The following CAPRIN2 variants were observed in gnomAD, a reference collection of about 807,000 sequenced individuals.
CAPRIN2 encodes caprin-2.
In CAPRIN2, 66 loss-of-function variants were observed where a neutral mutation model predicts 130.4. That is an observed-to-expected ratio of 0.51 (90% CI 0.42 to 0.62). The LOEUF is 0.62. Ranked by LOEUF, CAPRIN2 falls within the 20% of genes least tolerant of loss-of-function variation. The pLI is 0.00. For synonymous variants in CAPRIN2, 471 were observed against 444.1 expected, an observed-to-expected ratio of 1.06 and a Z score of -0.76; for missense variants, 1,185 against 1,246.6, an observed-to-expected ratio of 0.95 and a Z score of 0.74.
At chr12:30,738,936 T>C (rs1030349989) in intron 3 of CAPRIN2, among the ~76,000 whole-genome samples, 4 of 152,188 alleles carry the variant, frequency 2.6e-5, no homozygotes, top group Non-Finnish European at 5.9e-5. Context: ...GAAAAGGGAA[T>C]GCTTACACAC....
At chr12:30,716,397 T>C in intron 13 of CAPRIN2, 111 bp downstream of exon 15, 1 of 961,502 alleles carries the variant, frequency 1.0e-6, no homozygotes, top group Non-Finnish European at 1.6e-6. Context: ...GAAATAATGC[T>C]TACTGGTCAG....
At chr12:30,732,990 A>G (rs2063255863) in intron 5 of CAPRIN2, among the ~76,000 whole-genome samples, 1 of 152,208 alleles carries the variant, frequency 6.6e-6, no homozygotes, top group South Asian at 2.1e-4. Context: ...GAACAAACTT[A>G]GAAATCTTAA....
intron 15 of CAPRIN2, chr12:30,711,920 T>C (rs976976559): frequency 3.9e-6 from 2 of 509,972 alleles, no homozygotes; most frequent in Non-Finnish European, 7.4e-6. Flanking sequence ...TGCTAGGTAA[T>C]GAGAGAAATT....
chr12:30,725,653 A>G (rs993245075), intron 9 of CAPRIN2, among the ~76,000 whole-genome samples: 1 of 152,232 alleles, frequency 6.6e-6, no homozygotes, highest in African/African-American at 2.4e-5. Context: ...TATCAGGCAC[A>G]GAGTAGGTTC....
At chr12:30,724,933 G>A (rs1308339089) in intron 9 of CAPRIN2, among the ~76,000 whole-genome samples, 2 of 152,174 alleles carry the variant, frequency 1.3e-5, no homozygotes. Context: ...ATTCGAGGCT[G>A]CAGTGAGCTT....
chr12:30,711,833 AAT>A (rs2054840675), intron 15 of CAPRIN2: 1 of 682,710 alleles, frequency 1.5e-6, no homozygotes, highest in Non-Finnish European at 2.7e-6. Flanking sequence ...TTCACCTGTT[AAT>A]TAACCTGACC....
chr12:30,728,373 T>C, intron 8 of CAPRIN2: 1 of 293,642 alleles, frequency 3.4e-6, no homozygotes, highest in South Asian at 5.5e-5. Flanking sequence ...GCTAACACAG[T>C]GAAACCCCGT....
chr12:30,753,802 A>T, exon 1 of CAPRIN2: 1 of 1,550,614 alleles, frequency 6.4e-7, no homozygotes, highest in Non-Finnish European at 8.7e-7. Context: ...GCCAATAAGG[A>T]TAGCCTTTAC....
chr12:30,754,815 C>G (rs539744655), upstream of CAPRIN2: 1 of 152,030 alleles, frequency 6.6e-6, no homozygotes, highest in African/African-American at 2.4e-5. Flanking sequence ...CTGGGGGAGG[C>G]AGGAGCGCTG....
intron 3 of CAPRIN2, among the ~76,000 whole-genome samples, chr12:30,737,803 T>C (rs1364717886): frequency 6.6e-6 from 1 of 151,966 alleles, no homozygotes; most frequent in Non-Finnish European, 1.5e-5. Flanking sequence ...TTCATCATCA[T>C]AGCTAGGATG....
chr12:30,721,576 A>G (rs917864352), intron 11 of CAPRIN2, among the ~76,000 whole-genome samples: 1 of 152,234 alleles, frequency 6.6e-6, no homozygotes, highest in African/African-American at 2.4e-5. Flanking sequence ...CTAGGAAAGA[A>G]TTCTATCGCA....
intron 12 of CAPRIN2, 141 bp from the exon 15 acceptor site, chr12:30,716,817 A>G (rs574118513): frequency 3.0e-6 from 2 of 667,104 alleles, no homozygotes; most frequent in East Asian, 5.4e-5. Context: ...AAGAAGATAA[A>G]TGGCAAATAA....
At chr12:30,748,596 G>C (rs538105135) in intron 2 of CAPRIN2, among the ~76,000 whole-genome samples, 1 of 152,178 alleles carries the variant, frequency 6.6e-6, no homozygotes, top group East Asian at 1.9e-4. Context: ...TTATCATGGT[G>C]GTCTGAAACA....
chr12:30,746,599 T>C lies in CAPRIN2; in HGVS notation c.483+4472A>G, dbSNP rs77660657. On this transcript the variant is annotated intron_variant, in intron 2 of 16. Coordinates refer to ENST00000298892, the Ensembl canonical transcript of CAPRIN2. ...TGAAAGTGCTACTCCAGTGAACACA[T>C]GAATAATAAGAAAACAAATGCTATT... Among the ~76,000 whole-genome samples the C allele has an allele frequency of 2.7e-4, 41 of 152,316 alleles. No homozygotes were observed. The East Asian group carries it at 7.7e-3, about 29-fold the overall frequency.
At chr12:30,749,871 G>A (rs2072844859) in intron 2 of CAPRIN2, among the ~76,000 whole-genome samples, 2 of 152,176 alleles carry the variant, frequency 1.3e-5, no homozygotes, top group African/African-American at 4.8e-5. Flanking sequence ...GAAATACTGA[G>A]AATGAAGTTT....
At chr12:30,732,127 A>G (rs1427427278) in intron 5 of CAPRIN2, among the ~76,000 whole-genome samples, 1 of 152,036 alleles carries the variant, frequency 6.6e-6, no homozygotes, top group East Asian at 1.9e-4. Flanking sequence ...AAATTCCATC[A>G]TGAAGATTTT....
At chr12:30,714,807 G>C in intron 14 of CAPRIN2, 152 bp downstream of exon 16, 2 of 546,978 alleles carry the variant, frequency 3.7e-6, no homozygotes, top group Non-Finnish European at 6.5e-6. Flanking sequence ...ATGGAGAATA[G>C]GTATATTAAA....
chr12:30,751,946 T>C (rs2074153972), intron 1 of CAPRIN2, among the ~76,000 whole-genome samples: 1 of 135,344 alleles, frequency 7.4e-6, no homozygotes, highest in Non-Finnish European at 1.6e-5. Context: ...TGAGACAGAA[T>C]TTCACTCCGT....
intron 11 of CAPRIN2, among the ~76,000 whole-genome samples, chr12:30,721,830 T>C (rs541976086): frequency 3.9e-5 from 6 of 152,146 alleles, no homozygotes; most frequent in Non-Finnish European, 7.3e-5. Context: ...GGGGATTGAG[T>C]TTTAAGATCT....
Sources: gnomAD v4.1 joint callset for allele counts (sites outside exome capture counted in the v4.1 genomes callset) on GRCh38, gnomAD v4.1.1 for gene constraint, MANE v1.5 for transcripts, NCBI Gene and HGNC (gene_info 2026-07-23, HGNC 2026-07-21) for gene names.